Variants in SGCD observed in about 807,000 individuals in gnomAD.
SGCD encodes sarcoglycan delta.
Under a neutral mutation model 36.6 loss-of-function variants are expected in SGCD, and 18 were observed. The ratio of observed to expected loss-of-function variants is 0.49; its 90% CI spans 0.34 to 0.73. The LOEUF (loss-of-function observed/expected upper bound fraction) is 0.73. SGCD is among the 30% of genes least tolerant of loss of function. The pLI, the probability that SGCD is intolerant of heterozygous loss-of-function variation, is 0.01. For synonymous variants in SGCD, 133 were observed against 130.6 expected (o/e 1.02, Z -0.12); for missense variants, 387 against 346.7 (o/e 1.12, Z -0.92).
intron 7 of SGCD, among the ~76,000 whole-genome samples, chr5:156,747,247 C>G (rs1756978670): frequency 6.6e-6 from 1 of 152,158 alleles, no homozygotes; most frequent in Non-Finnish European, 1.5e-5. Context: ...TCCTGGAAAA[C>G]AGTTTGACAA....
chr5:156,195,983 G>T (rs191818442), intron 3 of SGCD, among the ~76,000 whole-genome samples: 143 of 152,086 alleles, frequency 9.4e-4, no homozygotes, highest in Admixed American at 2.6e-3. Flanking sequence ...TTTCAGCTTG[G>T]CAGGACCTCA....
chr5:156,260,005 A>G (rs1017299030), intron 3 of SGCD, among the ~76,000 whole-genome samples: 2 of 152,214 alleles, frequency 1.3e-5, no homozygotes, highest in African/African-American at 2.4e-5. Context: ...CTGTTATAGC[A>G]ACACAAAATG....
At chr5:156,429,052 T>C (rs1468069093) in intron 3 of SGCD, among the ~76,000 whole-genome samples, 3 of 152,030 alleles carry the variant, frequency 2.0e-5, no homozygotes, top group Non-Finnish European at 4.4e-5. Context: ...TTTAAGTCCA[T>C]TGTTTCTTTG....
intron 3 of SGCD, among the ~76,000 whole-genome samples, chr5:156,286,174 A>G (rs572229293): frequency 1.3e-5 from 2 of 152,338 alleles, no homozygotes; most frequent in East Asian, 1.9e-4. Context: ...TCAGGAAACA[A>G]CAGGTGCTAG....
chr5:156,364,254 G>A (rs1014055150), intron 3 of SGCD, among the ~76,000 whole-genome samples: 8 of 152,150 alleles, frequency 5.3e-5, no homozygotes, highest in African/African-American at 1.9e-4. Context: ...TTTGGAATCT[G>A]TAAAGTGTTC....
chr5:155,848,454 AC>A, the SGCD span, among the ~76,000 whole-genome samples: 1 of 152,188 alleles, frequency 6.6e-6, no homozygotes, highest in African/African-American at 2.4e-5. Flanking sequence ...ATATCACTCA[AC>A]AAAAACCACC....
At chr5:156,211,977 T>A (rs1204649936) in intron 3 of SGCD, among the ~76,000 whole-genome samples, 3 of 152,084 alleles carry the variant, frequency 2.0e-5, no homozygotes, top group Non-Finnish European at 4.4e-5. Flanking sequence ...TATGTAAGCA[T>A]CATTGGAACC....
At chr5:156,424,170 C>T (rs979106237) in intron 3 of SGCD, among the ~76,000 whole-genome samples, 1 of 151,858 alleles carries the variant, frequency 6.6e-6, no homozygotes. Context: ...CCATTGAGTA[C>T]CTTTTGTTTT....
At chr5:156,447,306 A>G (rs1266477009) in intron 3 of SGCD, among the ~76,000 whole-genome samples, 1 of 152,186 alleles carries the variant, frequency 6.6e-6, no homozygotes, top group Non-Finnish European at 1.5e-5. Flanking sequence ...ATGCCCAGAA[A>G]TGGAAGTTTC....
chr5:155,740,411 TA>T, the SGCD span, among the ~76,000 whole-genome samples: 12 of 152,334 alleles, frequency 7.9e-5, no homozygotes, highest in South Asian at 2.3e-3. Flanking sequence ...TTATTTCTGT[TA>T]GGAAAAAAAT....
chr5:155,937,614 T>C (rs1757235755), intron 1 of SGCD, among the ~76,000 whole-genome samples: 1 of 152,164 alleles, frequency 6.6e-6, no homozygotes, highest in Non-Finnish European at 1.5e-5. Flanking sequence ...TGTGCTGGGA[T>C]GAACAAACTT....
At chr5:156,242,128 A>G (rs574896238) in intron 3 of SGCD, among the ~76,000 whole-genome samples, 1 of 152,302 alleles carries the variant, frequency 6.6e-6, no homozygotes, top group South Asian at 2.1e-4. Flanking sequence ...CAGTGGGGCA[A>G]TGGTTAAACT....
At chr5:156,707,324 A>G (rs9314059) in intron 7 of SGCD, among the ~76,000 whole-genome samples, 4,674 of 152,264 alleles carry the variant, frequency 0.031, 155 homozygotes, top group African/African-American at 0.072. Flanking sequence ...ATTCTATTCA[A>G]TAAAGTTATC....
intron 1 of SGCD, among the ~76,000 whole-genome samples, chr5:156,054,574 C>G (rs1325201905): frequency 6.8e-6 from 1 of 146,738 alleles, no homozygotes; most frequent in East Asian, 1.9e-4. Flanking sequence ...CGTGAGCCAC[C>G]GCGCCCGGCC....
intron 1 of SGCD, among the ~76,000 whole-genome samples, chr5:156,117,672 G>A (rs186708419): frequency 2.6e-4 from 39 of 152,256 alleles, no homozygotes; most frequent in African/African-American, 8.9e-4. Context: ...TGTCTGTGAT[G>A]CAGAAGAAGC....
intron 1 of SGCD, among the ~76,000 whole-genome samples, chr5:156,110,878 G>A (rs1295495376): frequency 6.6e-6 from 1 of 152,146 alleles, no homozygotes; most frequent in African/African-American, 2.4e-5. Flanking sequence ...TGCTTGAAAA[G>A]TGAGTTTAGT....
chr5:155,879,806 C>T (rs1462154415), intron 1 of SGCD, among the ~76,000 whole-genome samples: 1 of 152,124 alleles, frequency 6.6e-6, no homozygotes, highest in Non-Finnish European at 1.5e-5. Context: ...GCAGTTTTAA[C>T]CACTTGATAG....
At chr5:156,267,512 G>A (rs755636189) in intron 3 of SGCD, among the ~76,000 whole-genome samples, 2 of 152,154 alleles carry the variant, frequency 1.3e-5, no homozygotes, top group African/African-American at 4.8e-5. Context: ...GCTTTCTAGC[G>A]GTTTTTCGGA....
chr5:156,122,210 A>G (rs1184879910), intron 2 of SGCD, among the ~76,000 whole-genome samples: 1 of 152,184 alleles, frequency 6.6e-6, no homozygotes, highest in Non-Finnish European at 1.5e-5. Flanking sequence ...TTATTCATTC[A>G]TTCAAAAAAT....
Sources: gnomAD v4.1 joint callset for allele counts (sites outside exome capture counted in the v4.1 genomes callset) on GRCh38, gnomAD v4.1.1 for gene constraint, MANE v1.5 for transcripts, NCBI Gene and HGNC (gene_info 2026-07-23, HGNC 2026-07-21) for gene names.